Variants in LY86 observed in about 807,000 individuals in gnomAD.
LY86 encodes the protein MD-1, RP105-associated.
A neutral mutation model predicts 17.3 loss-of-function variants in LY86; 20 were observed. The observed-to-expected ratio is 1.15, with a 90% CI of 0.81 to 1.68. LY86 has a LOEUF of 1.68. Among genes scored for constraint, LY86 ranks in the 40% most tolerant of loss-of-function variants. LY86 has a pLI of 0.00. For synonymous variants in LY86, 74 were observed against 70.6 expected (o/e 1.05, Z -0.24); for missense variants, 200 against 191.9 (o/e 1.04, Z -0.25).
At chr6:6,632,281 G>A (rs1362129899) in intron 3 of LY86, among the ~76,000 whole-genome samples, 1 of 150,894 alleles carries the variant, frequency 6.6e-6, no homozygotes, top group Non-Finnish European at 1.5e-5. Flanking sequence ...AGGCCTGGAG[G>A]TCTCCTTCCC....
In LY86 at chr6:6,654,623, C is replaced by G. The variant is rs371434032; in HGVS notation, c.485C>G (p.Ser162Cys). Reference protein sequence around the residue: ...VACANATIMCS With the variant: ...VACANATIMCC ...TGTGCCAATGCTACTATCATGTGCT[C>G]CTGACTGTGGCCTGTAGCAAAAATC... Residue 162 changes from serine (S) to cysteine (C), a missense_variant, in exon 5 of 5, where the codon TCC becomes TGC. Ser to Cys is a moderately radical substitution (Grantham distance 112). Transcript: ENST00000230568. 6.8e-6 allele frequency: 11 copies of G among 1,613,912 alleles called. No homozygotes were observed. In the African/African-American group the frequency reaches 1.5e-4, roughly 22 times the overall value.
chr6:6,597,792 T>C (rs1760762256), intron 1 of LY86, among the ~76,000 whole-genome samples: 1 of 152,070 alleles, frequency 6.6e-6, no homozygotes, highest in Non-Finnish European at 1.5e-5. Context: ...GAAGAAAAAA[T>C]CCCCAGCCCA....
At chr6:6,637,178 A>G (rs534794408) in intron 3 of LY86, among the ~76,000 whole-genome samples, 78 of 151,906 alleles carry the variant, frequency 5.1e-4, no homozygotes, top group African/African-American at 1.8e-3. Flanking sequence ...ACGCTCGGCT[A>G]ATTTTTGTAT....
At chr6:6,649,779 G>T in intron 4 of LY86, 102 bp downstream of exon 4, 1 of 768,520 alleles carries the variant, frequency 1.3e-6, no homozygotes, top group Non-Finnish European at 2.2e-6. Context: ...AGAAGAGAAG[G>T]AAAGAATTAA....
chr6:6,607,597 T>C (rs1761220194), intron 1 of LY86, among the ~76,000 whole-genome samples: 1 of 152,134 alleles, frequency 6.6e-6, no homozygotes, highest in South Asian at 2.1e-4. Flanking sequence ...GATAAAATAA[T>C]TATTAAAATA....
Position 6,654,703 on chromosome 6 carries a change from G to C in LY86, c.*76G>C. ...AGCTCCTCTGACTGAACCTACTGTG[G>C]GAGGAGAAGCAGCTGATGACAGAGA... is the stretch of plus-strand genomic sequence containing the variant. On this transcript the variant is annotated 3_prime_UTR_variant, in exon 5 of 5. Transcript: ENST00000230568. 7.9e-7 allele frequency: 1 copy of C among 1,268,386 alleles called. No homozygotes were observed. Among genetic ancestry groups the C allele is most frequent in the Non-Finnish European group, 1.1e-6 (1 of 872,552 alleles). 78.6% of individuals were successfully genotyped at this position (1,268,386 alleles called of 1,614,324 possible).
intron 1 of LY86, among the ~76,000 whole-genome samples, chr6:6,605,499 G>C (rs551610376): frequency 6.6e-6 from 1 of 152,358 alleles, no homozygotes; most frequent in East Asian, 1.9e-4. Flanking sequence ...CCAGAGATCA[G>C]TGCCTTGCCA....
chr6:6,612,106 G>T (rs375001393), intron 1 of LY86, among the ~76,000 whole-genome samples: 3 of 152,216 alleles, frequency 2.0e-5, no homozygotes, highest in Non-Finnish European at 4.4e-5. Flanking sequence ...AAAGCAAGCT[G>T]ATTATTTCCA....
rs548635143 is a variant in LY86, at chr6:6,592,381, A to G, written c.136+3511A>G. On this transcript the variant is annotated intron_variant, in intron 1 of 4. Transcript: ENST00000230568. The stretch of plus-strand genomic sequence containing the variant: ...GAGTCCCACGGTTACAAAAGCCCAG[A>G]GACTCCACTCCATGCACAAACCACA... 6.1e-4 allele frequency among the ~76,000 whole-genome samples: 93 copies of G among 152,342 alleles called. 1 individual carries two copies. Among genetic ancestry groups the G allele is most frequent in the Admixed American group, 1.8e-3 (28 of 15,298 alleles).
At chr6:6,602,911 C>G (rs1427432515) in intron 1 of LY86, among the ~76,000 whole-genome samples, 1 of 152,280 alleles carries the variant, frequency 6.6e-6, no homozygotes, top group East Asian at 1.9e-4. Context: ...AAAATTAATA[C>G]TGGTGTCTTA....
At chr6:6,597,272 C>T (rs1190478634) in intron 1 of LY86, among the ~76,000 whole-genome samples, 30 of 152,158 alleles carry the variant, frequency 2.0e-4, no homozygotes, top group Admixed American at 2.0e-3. Context: ...GTGCAGCCAG[C>T]GCTCCTGGCA....
chr6:6,632,141 CT>C (rs1327415224), intron 3 of LY86, among the ~76,000 whole-genome samples: 3 of 152,200 alleles, frequency 2.0e-5, no homozygotes, highest in Non-Finnish European at 2.9e-5. Context: ...AATGCCACAC[CT>C]GTGCTTTGAC....
chr6:6,630,080 T>A (rs1761876028), intron 3 of LY86, among the ~76,000 whole-genome samples: 1 of 152,260 alleles, frequency 6.6e-6, no homozygotes, highest in Non-Finnish European at 1.5e-5. Flanking sequence ...AGAGTACTTA[T>A]CTCTGCAGAT....
At chr6:6,613,769 C>G (rs1009149601) in intron 1 of LY86, among the ~76,000 whole-genome samples, 1 of 152,236 alleles carries the variant, frequency 6.6e-6, no homozygotes, top group African/African-American at 2.4e-5. Context: ...GCCCCAAGAG[C>G]GAGCGAGGGC....
intron 1 of LY86, among the ~76,000 whole-genome samples, chr6:6,593,659 C>G (rs149922476): frequency 6.5e-4 from 99 of 152,212 alleles, no homozygotes; most frequent in African/African-American, 2.1e-3. Context: ...TCCTTGAAGC[C>G]AAATCAAACA....
chr6:6,626,240 G>T, intron 2 of LY86, 53 bp from the exon 3 acceptor site: 1 of 1,587,302 alleles, frequency 6.3e-7, no homozygotes, highest in South Asian at 1.1e-5. Context: ...GAATGCCTCT[G>T]ATACACAGTG....
chr6:6,598,662 A>G (rs970464591), intron 1 of LY86, among the ~76,000 whole-genome samples: 4 of 152,126 alleles, frequency 2.6e-5, no homozygotes, highest in African/African-American at 9.7e-5. Flanking sequence ...GTGCTCTTTA[A>G]GTTGTGCTAA....
At chr6:6,613,544 C>T (rs1443122865) in intron 1 of LY86, among the ~76,000 whole-genome samples, 2 of 152,206 alleles carry the variant, frequency 1.3e-5, no homozygotes, top group Non-Finnish European at 2.9e-5. Flanking sequence ...GCTCCGAGTG[C>T]GGGGCCCGCC....
intron 1 of LY86, among the ~76,000 whole-genome samples, chr6:6,617,686 G>A (rs1426308552): frequency 6.6e-6 from 1 of 152,176 alleles, no homozygotes; most frequent in Non-Finnish European, 1.5e-5. Context: ...CAGCCACTAA[G>A]ATGCACTGTC....
Sources: gnomAD v4.1 joint callset for allele counts (sites outside exome capture counted in the v4.1 genomes callset) on GRCh38, gnomAD v4.1.1 for gene constraint, MANE v1.5 for transcripts, NCBI Gene and HGNC (gene_info 2026-07-23, HGNC 2026-07-21) for gene names.